Variants in HYCC2 observed in about 807,000 individuals in gnomAD.
The protein encoded by HYCC2 is hyccin PI4KA lipid kinase complex subunit 2.
chr2:200,981,499 T>G, the HYCC2 span: 1 of 1,614,172 alleles, frequency 6.2e-7, no homozygotes, highest in East Asian at 2.2e-5. The surrounding 1 kb of genome is among the most constrained non-coding windows in gnomAD (Gnocchi z 4.5). Flanking sequence ...GTCAAATGAT[T>G]TACTTGAGGA....
At chr2:201,039,991 G>A in the HYCC2 span, among the ~76,000 whole-genome samples, 4 of 152,088 alleles carry the variant, frequency 2.6e-5, no homozygotes, top group African/African-American at 7.2e-5. Flanking sequence ...TGGCCAACAC[G>A]GTGAAACCCC....
chr2:201,029,929 A>T, the HYCC2 span, among the ~76,000 whole-genome samples: 1 of 151,614 alleles, frequency 6.6e-6, no homozygotes, highest in Non-Finnish European at 1.5e-5. Flanking sequence ...TAAAGCATAT[A>T]AAAAAAAATT....
the HYCC2 span, among the ~76,000 whole-genome samples, chr2:201,070,486 CTACTAAAAA>C: frequency 1.3e-5 from 2 of 152,072 alleles, no homozygotes; most frequent in African/African-American, 2.4e-5. Flanking sequence ...AACCCCGTAT[CTACTAAAAA>C]TACAAAATTA....
the HYCC2 span, among the ~76,000 whole-genome samples, chr2:201,037,362 G>A: frequency 1.3e-5 from 2 of 152,138 alleles, no homozygotes; most frequent in African/African-American, 2.4e-5. Context: ...AGCTACCAAT[G>A]ACCTTCTTCA....
the HYCC2 span, among the ~76,000 whole-genome samples, chr2:201,029,482 A>C: frequency 1.3e-5 from 2 of 152,238 alleles, no homozygotes; most frequent in Non-Finnish European, 2.9e-5. Context: ...ATGCACACGT[A>C]TGTTTATTGC....
the HYCC2 span, chr2:201,021,877 T>C: frequency 2.7e-6 from 1 of 374,268 alleles, no homozygotes; most frequent in South Asian, 2.0e-5. Context: ...AGAAATACAC[T>C]GCAAGAGAAA....
At chr2:201,018,043 C>T in the HYCC2 span, among the ~76,000 whole-genome samples, 2 of 152,042 alleles carry the variant, frequency 1.3e-5, no homozygotes, top group African/African-American at 4.8e-5. Context: ...TTAAATTTTT[C>T]TTATTGTATT....
chr2:201,034,142 G>T, the HYCC2 span, among the ~76,000 whole-genome samples: 1 of 151,200 alleles, frequency 6.6e-6, no homozygotes, highest in African/African-American at 2.5e-5. Flanking sequence ...AAATATAGTG[G>T]TATTAATTAT....
At chr2:201,062,371 G>A in the HYCC2 span, among the ~76,000 whole-genome samples, 2 of 151,054 alleles carry the variant, frequency 1.3e-5, no homozygotes, top group Non-Finnish European at 3.0e-5. Flanking sequence ...AAATGAGGCC[G>A]GGCGCGGTGG....
chr2:201,057,898 G>A, the HYCC2 span, among the ~76,000 whole-genome samples: 8 of 152,128 alleles, frequency 5.3e-5, no homozygotes, highest in Non-Finnish European at 8.8e-5. Context: ...TGGATCTATC[G>A]GTTTGGCTAA....
At chr2:201,034,074 T>C in the HYCC2 span, among the ~76,000 whole-genome samples, 2 of 151,890 alleles carry the variant, frequency 1.3e-5, no homozygotes, top group South Asian at 2.1e-4. Flanking sequence ...TAAATATCTA[T>C]AGTTTCCACC....
At chr2:201,022,795 C>T in the HYCC2 span, 1 of 1,292,398 alleles carries the variant, frequency 7.7e-7, no homozygotes, top group Non-Finnish European at 1.1e-6. Context: ...TATTTCATTT[C>T]ACTATGTAGA....
chr2:201,005,278 T>C, the HYCC2 span, among the ~76,000 whole-genome samples: 1 of 152,096 alleles, frequency 6.6e-6, no homozygotes, highest in Non-Finnish European at 1.5e-5. Flanking sequence ...CCTCTGTTTT[T>C]CTGGGGGGGT....
At chr2:200,984,557 C>G in the HYCC2 span, among the ~76,000 whole-genome samples, 6 of 152,188 alleles carry the variant, frequency 3.9e-5, no homozygotes, top group Admixed American at 1.3e-4. Flanking sequence ...ATTACCAAGA[C>G]TTTTCATAGG....
At chr2:201,056,674 CAAAAA>C in the HYCC2 span, among the ~76,000 whole-genome samples, 1 of 68,948 alleles carries the variant, frequency 1.5e-5, no homozygotes, top group Admixed American at 1.7e-4. Flanking sequence ...AACTCCATCT[CAAAAA>C]AAAAAAAAAA....
the HYCC2 span, among the ~76,000 whole-genome samples, chr2:201,033,818 C>T: frequency 6.6e-6 from 1 of 152,048 alleles, no homozygotes; most frequent in South Asian, 2.1e-4. Context: ...AAATTACAGG[C>T]ATGAGCCACT....
the HYCC2 span, among the ~76,000 whole-genome samples, chr2:201,003,243 G>A: frequency 4.0e-4 from 61 of 152,120 alleles, no homozygotes; most frequent in African/African-American, 1.3e-3. Flanking sequence ...TTAAGAGATC[G>A]GGTCTTGCTA....
the HYCC2 span, among the ~76,000 whole-genome samples, chr2:201,062,325 C>T: frequency 6.6e-6 from 1 of 151,962 alleles, no homozygotes; most frequent in South Asian, 2.1e-4. Flanking sequence ...TCAAGACCAG[C>T]CTGGCCAACA....
chr2:200,993,976 A>G, the HYCC2 span, among the ~76,000 whole-genome samples: 1 of 152,004 alleles, frequency 6.6e-6, no homozygotes, highest in Non-Finnish European at 1.5e-5. Context: ...TCTCAAAAAT[A>G]AATAAATAAA....
Sources: allele counts gnomAD v4.1 joint callset (sites outside exome capture counted in the v4.1 genomes callset), GRCh38; gene constraint gnomAD v4.1.1; non-coding constraint Gnocchi (gnomAD v3.1); transcripts MANE v1.5; gene names NCBI Gene and HGNC (gene_info 2026-07-23, HGNC 2026-07-21).